Variants in RIMS4 observed in about 807,000 individuals in gnomAD.
The protein encoded by RIMS4 is regulating synaptic membrane exocytosis protein 4.
In RIMS4, 9 loss-of-function variants were observed where a neutral mutation model predicts 29.0. The ratio of observed to expected loss-of-function variants is 0.31; its 90% CI spans 0.19 to 0.54. RIMS4 has a LOEUF of 0.54. Ranked by LOEUF, RIMS4 falls within the 20% of genes least tolerant of loss-of-function variation. RIMS4 has a pLI of 0.94. For synonymous variants in RIMS4, 130 were observed against 152.9 expected (o/e 0.85, Z 1.10); for missense variants, 193 against 365.7 (o/e 0.53, Z 3.85).
intron 2 of RIMS4, 56 bp downstream of exon 2, chr20:44,771,219 C>A (rs1482641391): frequency 6.4e-7 from 1 of 1,568,036 alleles, no homozygotes; most frequent in Non-Finnish European, 8.7e-7. Flanking sequence ...CAGTCCCTCC[C>A]GTGCCCCACC....
intron 1 of RIMS4, among the ~76,000 whole-genome samples, chr20:44,781,855 C>T (rs1422433720): frequency 6.6e-6 from 1 of 152,164 alleles, no homozygotes; most frequent in Non-Finnish European, 1.5e-5. Flanking sequence ...CCCCATATGG[C>T]ACTGGGAAGC....
chr20:44,807,933 C>T (rs2066306096), intron 1 of RIMS4, among the ~76,000 whole-genome samples: 1 of 152,090 alleles, frequency 6.6e-6, no homozygotes. Flanking sequence ...ACCTGGGAAA[C>T]ATTTTCTACA....
chr20:44,802,127 C>T (rs933494696), intron 1 of RIMS4, among the ~76,000 whole-genome samples: 1 of 152,202 alleles, frequency 6.6e-6, no homozygotes, highest in Non-Finnish European at 1.5e-5. Context: ...CGGCCCTGCT[C>T]TAACCCATTT....
intron 1 of RIMS4, among the ~76,000 whole-genome samples, chr20:44,792,934 C>A (rs1272908058): frequency 6.6e-6 from 1 of 152,108 alleles, no homozygotes; most frequent in Non-Finnish European, 1.5e-5. Context: ...GGGGCACAAG[C>A]AGAGGTACAG....
chr20:44,808,163 C>A (rs987688671), intron 1 of RIMS4, among the ~76,000 whole-genome samples: 1 of 151,736 alleles, frequency 6.6e-6, no homozygotes, highest in Non-Finnish European at 1.5e-5. Flanking sequence ...ACACACACAC[C>A]CCCATCCATT....
intron 1 of RIMS4, among the ~76,000 whole-genome samples, chr20:44,774,674 A>G (rs1030366453): frequency 6.6e-5 from 10 of 152,070 alleles, no homozygotes; most frequent in African/African-American, 2.4e-4. Flanking sequence ...CATCTATCCT[A>G]TTAGTTCTGT....
chr20:44,778,529 A>G (rs2066170275), intron 1 of RIMS4, among the ~76,000 whole-genome samples: 1 of 152,080 alleles, frequency 6.6e-6, no homozygotes, highest in Non-Finnish European at 1.5e-5. Flanking sequence ...TTTGAAAATT[A>G]CTAGCCCACA....
intron 1 of RIMS4, among the ~76,000 whole-genome samples, chr20:44,804,079 GA>G (rs1324071300): frequency 6.6e-6 from 1 of 152,146 alleles, no homozygotes; most frequent in East Asian, 1.9e-4. Context: ...ACCTGGGTTT[GA>G]ATCACCACCC....
In RIMS4 at chr20:44,755,108, G is replaced by A. The variant is rs1204557280; in HGVS notation, c.*1026C>T. On this transcript the variant is annotated 3_prime_UTR_variant, in exon 6 of 6. Transcript: ENST00000372851. ...GGCAGTGGGTTCTGCCCTTAGTATA[G>A]GATGTTTTTTTTAAAAAGACTAAAA... 6.6e-6 allele frequency: 1 copy of A among 152,614 alleles called. No individual in the cohort carries two copies. The highest frequency in any genetic ancestry group is 2.4e-5 in the African/African-American group (1 of 41,430). 9.5% of individuals were successfully genotyped at this position (152,614 alleles called of 1,614,324 possible). A position where few individuals can be genotyped will look rare whatever the true frequency, so the allele number is the denominator to read the frequency against.
At chr20:44,799,666 G>A (rs1436348009) in intron 1 of RIMS4, among the ~76,000 whole-genome samples, 1 of 152,210 alleles carries the variant, frequency 6.6e-6, no homozygotes, top group Non-Finnish European at 1.5e-5. Context: ...GGGACACTGA[G>A]TGCTGGAGAT....
chr20:44,782,391 A>G (rs950267651), intron 1 of RIMS4, among the ~76,000 whole-genome samples: 6 of 152,036 alleles, frequency 3.9e-5, no homozygotes, highest in African/African-American at 1.5e-4. Flanking sequence ...TAGCCTCCCA[A>G]GTAGCTGGGG....
intron 1 of RIMS4, among the ~76,000 whole-genome samples, chr20:44,776,348 C>T (rs925270416): frequency 6.6e-6 from 1 of 152,176 alleles, no homozygotes; most frequent in Non-Finnish European, 1.5e-5. Context: ...ACCCAGGCAT[C>T]CAAGACTCTC....
intron 2 of RIMS4, among the ~76,000 whole-genome samples, chr20:44,760,083 T>A (rs568748093): frequency 1.3e-5 from 2 of 152,220 alleles, no homozygotes; most frequent in African/African-American, 4.8e-5. Context: ...CTTGAAAGAA[T>A]AGGTACAAAA....
chr20:44,800,100 G>A (rs2066271388), intron 1 of RIMS4, among the ~76,000 whole-genome samples: 1 of 152,218 alleles, frequency 6.6e-6, no homozygotes, highest in South Asian at 2.1e-4. Context: ...TTATCTGGCT[G>A]TGGAGCTCGT....
At chr20:44,803,693 G>A (rs1222041633) in intron 1 of RIMS4, among the ~76,000 whole-genome samples, 3 of 152,220 alleles carry the variant, frequency 2.0e-5, no homozygotes, top group East Asian at 1.9e-4. Context: ...GGGGGATGGC[G>A]CTCTGGAGCT....
At chr20:44,802,269 C>T (rs894393684) in intron 1 of RIMS4, among the ~76,000 whole-genome samples, 3 of 152,200 alleles carry the variant, frequency 2.0e-5, no homozygotes, top group Non-Finnish European at 2.9e-5. Context: ...ATACGTCCAG[C>T]TCTGGGTTAG....
rs536632450 is a variant in RIMS4 at position 44,756,513 on chromosome 20, C to T, written c.592-161G>A. On this transcript the variant is annotated intron_variant, in intron 5 of 5. Transcript: ENST00000372851. This position sits in a 1 kb window ranked among gnomAD's most constrained non-coding sequence, Gnocchi z 5.9. ...AGGCCTTTCTTATCACGGGGCATCA[C>T]ACCAAGCCCCTGGCCTCCAGAGGCT... 5.3e-4 allele frequency among the ~76,000 whole-genome samples: 81 copies of T among 152,312 alleles called. No homozygotes were observed. Among genetic ancestry groups the T allele is most frequent in the African/African-American group, 1.9e-3 (78 of 41,570 alleles).
At chr20:44,774,222 G>A (rs769196784) in intron 1 of RIMS4, among the ~76,000 whole-genome samples, 6 of 152,126 alleles carry the variant, frequency 3.9e-5, no homozygotes, top group Admixed American at 6.5e-5. Context: ...TGGCTGAGAT[G>A]TGTTCCCTTT....
chr20:44,782,050 C>G (rs1400604288), intron 1 of RIMS4, among the ~76,000 whole-genome samples: 2 of 152,210 alleles, frequency 1.3e-5, no homozygotes, highest in African/African-American at 4.8e-5. Flanking sequence ...GAGTTTGGGA[C>G]TTGAAGCATG....
Sources: allele counts gnomAD v4.1 joint callset (sites outside exome capture counted in the v4.1 genomes callset), GRCh38; gene constraint gnomAD v4.1.1; non-coding constraint Gnocchi (gnomAD v3.1); transcripts MANE v1.5; gene names NCBI Gene and HGNC (gene_info 2026-07-23, HGNC 2026-07-21).